The following PNLIP variants were observed in gnomAD, a reference collection of about 807,000 sequenced individuals.
PNLIP encodes pancreatic triacylglycerol lipase.
Under a neutral mutation model 57.1 loss-of-function variants are expected in PNLIP, and 49 were observed. That is an observed-to-expected ratio of 0.86 (90% confidence interval 0.68 to 1.09). The LOEUF is 1.09. PNLIP is among the 50% of genes least tolerant of loss of function. The pLI is 0.00. For synonymous variants in PNLIP, 209 were observed against 200.4 expected, an observed-to-expected ratio of 1.04 and a Z score of -0.36; for missense variants, 503 against 570.2, an observed-to-expected ratio of 0.88 and a Z score of 1.20.
rs1337802658 is a variant in PNLIP, at chr10:116,551,155, C to T, written c.382C>T (p.Arg128Ter). The change falls in exon 5 of 13, where the codon CGA (arginine) becomes TGA (stop). Residue 128 changes from arginine (R) to a stop codon, truncating the protein, a stop_gained. Transcript: ENST00000369221. LOFTEE classifies it high-confidence loss of function. Reference sequence around the variant, plus strand: ...CTGTGTGGACTGGAAAGGTGGCTCCCGAACTGGATACACACAAGCCTCGCA... The same window carrying T: ...CTGTGTGGACTGGAAAGGTGGCTCCTGAACTGGATACACACAAGCCTCGCA... ...CICVDWKGGS[R>*]TGYTQASQNI... 5 of 1,612,488 alleles carry T rather than the reference C, an allele frequency of 3.1e-6. No individual in the cohort carries two copies. Among genetic ancestry groups the T allele is most frequent in the Admixed American group, 1.7e-5 (1 of 59,918 alleles).
At chr10:116,556,174 T>C (rs1847251894) in intron 9 of PNLIP, 56 bp downstream of exon 9, 1 of 953,538 alleles carries the variant, frequency 1.0e-6, no homozygotes. Context: ...TTCTCATGAC[T>C]GGTGTGCTTT....
At chr10:116,557,226 C>A (rs1034702950) in intron 9 of PNLIP, among the ~76,000 whole-genome samples, 2 of 152,138 alleles carry the variant, frequency 1.3e-5, no homozygotes, top group Non-Finnish European at 1.5e-5. Context: ...AATAAAGAAG[C>A]AAACACAAAA....
At position 116,554,598 on chromosome 10, in the gene PNLIP, C is replaced by G. The variant is rs1206596608; in HGVS notation, c.572-580C>G. On this transcript the variant is annotated intron_variant, in intron 6 of 12. Coordinates refer to ENST00000369221, the MANE Select transcript of PNLIP (RefSeq NM_000936.4). The stretch of plus-strand genomic sequence containing the variant: ...AGAGGTGATTATTTTAAGGAAGGAC[C>G]ACTTTCCTCTTCCATCTGTGTTCAA... Among the ~76,000 whole-genome samples, 6 of 152,158 alleles carry G rather than the reference C, an allele frequency of 3.9e-5. No homozygotes were observed. In the East Asian group the frequency reaches 1.2e-3, roughly 29 times the overall value.
rs142259121 is a variant in PNLIP, at chr10:116,561,443, A to G, written c.1170-29A>G. Reference sequence around the variant, plus strand: ...TATATATTTACATGTATGCTCATGTATGTTTTTGTTAACTTCTTAAATCCT... The same window carrying G: ...TATATATTTACATGTATGCTCATGTGTGTTTTTGTTAACTTCTTAAATCCT... On this transcript the variant is annotated intron_variant, in intron 11 of 12. Coordinates refer to ENST00000369221, the MANE Select transcript of PNLIP (RefSeq NM_000936.4). The G allele has an allele frequency of 1.3e-3, 2,006 of 1,559,234 alleles. 32 individuals carry two copies. In the East Asian group the frequency reaches 0.035, roughly 28 times the overall value.
At chr10:116,549,518 C>T (rs1847167895) in intron 4 of PNLIP, among the ~76,000 whole-genome samples, 1 of 151,814 alleles carries the variant, frequency 6.6e-6, no homozygotes, top group African/African-American at 2.4e-5. Flanking sequence ...CCTCCTAAGC[C>T]CATACAGTTT....
intron 4 of PNLIP, among the ~76,000 whole-genome samples, chr10:116,550,363 C>A (rs1323237953): frequency 1.3e-5 from 2 of 150,774 alleles, no homozygotes; most frequent in Non-Finnish European, 3.0e-5. Flanking sequence ...GGCCTATTCT[C>A]AAATTCTTTT....
chr10:116,557,365 T>G (rs1847263650), intron 9 of PNLIP, among the ~76,000 whole-genome samples: 1 of 152,166 alleles, frequency 6.6e-6, no homozygotes, highest in Non-Finnish European at 1.5e-5. Flanking sequence ...TGCACTCCCT[T>G]CTAAGCTTCT....
chr10:116,554,787 G>C (rs1240714318), intron 6 of PNLIP, among the ~76,000 whole-genome samples: 2 of 152,160 alleles, frequency 1.3e-5, no homozygotes, highest in Admixed American at 6.5e-5. Flanking sequence ...CCCACAGCCT[G>C]CTCGGCCAGG....
intron 9 of PNLIP, 131 bp downstream of exon 9, chr10:116,556,249 G>A (rs1589557089): frequency 1.6e-6 from 1 of 631,008 alleles, no homozygotes; most frequent in Admixed American, 2.5e-5. Flanking sequence ...TTAATTATAT[G>A]TATTTAAATA....
At chr10:116,562,439 T>C (rs1412104154) in intron 12 of PNLIP, among the ~76,000 whole-genome samples, 1 of 152,212 alleles carries the variant, frequency 6.6e-6, no homozygotes, top group African/African-American at 2.4e-5. Context: ...AGATGGAGCC[T>C]GGCAGTTGCC....
At chr10:116,560,551 T>C (rs749680680) in intron 11 of PNLIP, 27 bp downstream of exon 11, 40 of 124,606 alleles carry the variant, frequency 3.2e-4, no homozygotes, top group Non-Finnish European at 6.1e-4. Flanking sequence ...TGCTCTATGC[T>C]TTTTTTTTTT....
At chr10:116,546,037 C>T (rs994978449) in intron 1 of PNLIP, 56 bp from the exon 2 acceptor site, 4 of 1,503,788 alleles carry the variant, frequency 2.7e-6, no homozygotes, top group Non-Finnish European at 3.7e-6. Context: ...TGAACTAAAA[C>T]TTGCCGATCT....
Position 116,555,990 on chromosome 10 carries a change from T to G in PNLIP, c.812-10T>G, listed in dbSNP as rs1367350289. On this transcript the variant is annotated splice_polypyrimidine_tract_variant and intron_variant, in intron 8 of 12. Coordinates refer to ENST00000369221, the MANE Select transcript of PNLIP (RefSeq NM_000936.4). ...TCTGTCCTTGATGTGTAATTGTGTC[T>G]GATTCAAAGGGACTCGAGACTTTGC... 1 of 1,522,434 alleles carries G rather than the reference T, an allele frequency of 6.6e-7. No homozygotes were observed. Among genetic ancestry groups the G allele is most frequent in the African/African-American group, 1.4e-5 (1 of 73,272 alleles). 94.3% of individuals were successfully genotyped at this position (1,522,434 alleles called of 1,614,324 possible).
Position 116,548,077 on chromosome 10 carries a change from G to A in PNLIP, c.202-283G>A, listed in dbSNP as rs180719632. Among the ~76,000 whole-genome samples, 219 of 148,952 alleles carry A rather than the reference G, an allele frequency of 1.5e-3. 1 individual carries two copies. Among genetic ancestry groups the A allele is most frequent in the African/African-American group, 5.1e-3 (206 of 40,518 alleles). ...TAAAGACATATAAAAATACACACAC[G>A]CACACACACACACACAAAGCCTTCC... On this transcript the variant is annotated intron_variant, in intron 3 of 12. Transcript: ENST00000369221.
At chr10:116,567,331 G>T (rs1455320284) in intron 12 of PNLIP, among the ~76,000 whole-genome samples, 1 of 151,864 alleles carries the variant, frequency 6.6e-6, no homozygotes, top group African/African-American at 2.4e-5. Context: ...TGTCATTTCA[G>T]TTCAAATATT....
chr10:116,565,873 G>C (rs183133728), intron 12 of PNLIP, among the ~76,000 whole-genome samples: 1 of 152,104 alleles, frequency 6.6e-6, no homozygotes, highest in African/African-American at 2.4e-5. Flanking sequence ...GCAGTGGCAC[G>C]ATCTTGGCTC....
At chr10:116,547,226 A>G (rs1847135415) in intron 2 of PNLIP, 68 bp from the exon 3 acceptor site, 1 of 1,461,902 alleles carries the variant, frequency 6.8e-7, no homozygotes, top group African/African-American at 1.4e-5. Flanking sequence ...AATTGAACTC[A>G]TATATTGGCA....
intron 5 of PNLIP, among the ~76,000 whole-genome samples, chr10:116,553,362 C>A (rs1362756463): frequency 6.6e-6 from 1 of 152,224 alleles, no homozygotes; most frequent in Non-Finnish European, 1.5e-5. Context: ...ACCTTGGCCC[C>A]CCAAAGTGCT....
intron 11 of PNLIP, 66 bp from the exon 12 acceptor site, chr10:116,561,406 C>G: frequency 3.4e-6 from 4 of 1,176,616 alleles, no homozygotes; most frequent in Non-Finnish European, 4.9e-6. Flanking sequence ...TACATACACA[C>G]AAATATATAT....
Sources: allele counts gnomAD v4.1 joint callset (sites outside exome capture counted in the v4.1 genomes callset), GRCh38; gene constraint gnomAD v4.1.1; transcripts MANE v1.5; gene names NCBI Gene and HGNC (gene_info 2026-07-23, HGNC 2026-07-21).